Variants in CBLB observed in about 807,000 individuals in gnomAD.
CBLB encodes the protein E3 ubiquitin-protein ligase CBL-B.
In CBLB, 31 loss-of-function variants were observed where a neutral mutation model predicts 104.9. The ratio of observed to expected loss-of-function variants is 0.30; its 90% confidence interval spans 0.22 to 0.40. The LOEUF (loss-of-function observed/expected upper bound fraction) is 0.40, where lower values mean the gene tolerates loss of function less well. Ranked by LOEUF, CBLB falls within the 10% of genes least tolerant of loss-of-function variation. The pLI, the probability that CBLB is intolerant of heterozygous loss-of-function variation, is 1.00. For synonymous variants in CBLB, 440 were observed against 422.6 expected (o/e 1.04, Z -0.51); for missense variants, 1,062 against 1,214.6 (o/e 0.87, Z 1.87).
At chr3:105,849,739 T>C (rs182754713) in intron 3 of CBLB, among the ~76,000 whole-genome samples, 3 of 152,226 alleles carry the variant, frequency 2.0e-5, no homozygotes, top group Admixed American at 2.0e-4. Flanking sequence ...AAAGGAGTTA[T>C]ATGCCTTGTC....
At chr3:105,772,567 G>A (rs2078987294) in intron 4 of CBLB, among the ~76,000 whole-genome samples, 1 of 152,132 alleles carries the variant, frequency 6.6e-6, no homozygotes. Flanking sequence ...ATAATCAGGA[G>A]AGTAAACAGA....
intron 10 of CBLB, among the ~76,000 whole-genome samples, chr3:105,706,012 A>G (rs2070073687): frequency 6.6e-6 from 1 of 152,000 alleles, no homozygotes; most frequent in Non-Finnish European, 1.5e-5. Context: ...GTGTGGTGAT[A>G]CACGCCTCCA....
At chr3:105,724,073 A>G (rs1284342522) in intron 9 of CBLB, 1 of 172,958 alleles carries the variant, frequency 5.8e-6, no homozygotes, top group East Asian at 1.0e-4. Context: ...TCTTTTTTTA[A>G]ACATAGCAAT....
chr3:105,862,692 A>G (rs1037930639), intron 2 of CBLB, among the ~76,000 whole-genome samples: 4 of 152,294 alleles, frequency 2.6e-5, no homozygotes, highest in East Asian at 3.9e-4. Flanking sequence ...ACAGCCTTCA[A>G]TGGTTTTCTA....
rs1261522543 is a variant in CBLB at position 105,774,963 on chromosome 3, C to T, written c.566+1433G>A. Among the ~76,000 whole-genome samples the T allele has an allele frequency of 2.6e-5, 4 of 152,146 alleles. No homozygotes were observed. The East Asian group carries it at 7.7e-4, about 29-fold the overall frequency. ...AATGTTAATACATGAACTGCAACTA[C>T]AGGAAACAAACCCTCTCAGTTCCTA... On this transcript the variant is annotated intron_variant, in intron 4 of 18. Coordinates refer to ENST00000394030, the MANE Select transcript of CBLB (RefSeq NM_170662.5).
chr3:105,817,753 G>T (rs2085269582), intron 3 of CBLB, among the ~76,000 whole-genome samples: 1 of 152,068 alleles, frequency 6.6e-6, no homozygotes, highest in Admixed American at 6.6e-5. Context: ...GGCAATAAAG[G>T]CAAGCAGAAA....
chr3:105,721,736 T>C (rs1221577576), intron 9 of CBLB, among the ~76,000 whole-genome samples: 1 of 152,172 alleles, frequency 6.6e-6, no homozygotes, highest in Non-Finnish European at 1.5e-5. Context: ...AAAACCAAGA[T>C]TTAATTCTTC....
At chr3:105,852,787 A>G (rs35909361) in intron 3 of CBLB, among the ~76,000 whole-genome samples, 137,080 of 151,866 alleles carry the variant, frequency 0.9, 62,280 homozygotes, top group Non-Finnish European at 0.96. Context: ...GCACAATCTC[A>G]GCTCACCACA....
chr3:105,763,417 C>T (rs185038662), intron 4 of CBLB, among the ~76,000 whole-genome samples: 1 of 152,230 alleles, frequency 6.6e-6, no homozygotes, highest in East Asian at 1.9e-4. Context: ...CCCATAATTC[C>T]CACATGTTGT....
rs542704078 is a variant in CBLB at position 105,655,966 on chromosome 3, T to C, written c.*3004A>G. 4.4e-5 allele frequency: 10 copies of C among 228,294 alleles called. No individual in the cohort carries two copies. The South Asian group carries it at 1.1e-3, about 25-fold the overall frequency. 14.1% of individuals were successfully genotyped at this position (228,294 alleles called of 1,614,324 possible). Reference sequence around the variant, plus strand: ...AGTTAAGAAATGGGACCCTTTTAAGTTGCAGTGAGGGTTCTATTATGAAGA... The same window carrying C: ...AGTTAAGAAATGGGACCCTTTTAAGCTGCAGTGAGGGTTCTATTATGAAGA... On this transcript the variant is annotated 3_prime_UTR_variant, in exon 19 of 19. Coordinates refer to ENST00000394030, the MANE Select transcript of CBLB (RefSeq NM_170662.5).
At chr3:105,735,722 G>A (rs1017273607) in intron 8 of CBLB, among the ~76,000 whole-genome samples, 5 of 152,058 alleles carry the variant, frequency 3.3e-5, no homozygotes, top group South Asian at 4.1e-4. Flanking sequence ...AGGGCGAGGC[G>A]GGTGGATCAC....
Position 105,657,764 on chromosome 3 carries a change from T to C in CBLB, c.*1206A>G, listed in dbSNP as rs1194932749. 1 of 205,800 alleles carries C rather than the reference T, an allele frequency of 4.9e-6. No individual in the cohort carries two copies. The highest frequency in any genetic ancestry group is 9.9e-6 in the Non-Finnish European group (1 of 100,800). The allele number at this position is 205,800 out of a possible 1,614,324, so 12.7% of individuals were successfully genotyped here. The stretch of plus-strand genomic sequence containing the variant: ...GATTTGATAAAGCAGTGTGGAGCAA[T>C]GAATGAGAGAATCTGCAAATTAAAT... On this transcript the variant is annotated 3_prime_UTR_variant, in exon 19 of 19. Coordinates refer to ENST00000394030, the MANE Select transcript of CBLB (RefSeq NM_170662.5).
At chr3:105,681,399 T>C (rs2066296878) in intron 16 of CBLB, 80 bp downstream of exon 16, 3 of 1,468,938 alleles carry the variant, frequency 2.0e-6, no homozygotes, top group South Asian at 1.1e-5. Context: ...GTCTGTGTTA[T>C]ACTGAACTCT....
At chr3:105,789,155 C>G (rs1403468375) in intron 3 of CBLB, among the ~76,000 whole-genome samples, 8 of 152,118 alleles carry the variant, frequency 5.3e-5, no homozygotes, top group Admixed American at 5.2e-4. Flanking sequence ...GCTTAGAAAA[C>G]TGATAAAGAG....
intron 3 of CBLB, among the ~76,000 whole-genome samples, chr3:105,784,908 A>T (rs1440674640): frequency 6.6e-6 from 1 of 152,182 alleles, no homozygotes; most frequent in Non-Finnish European, 1.5e-5. Flanking sequence ...GAGTTAAGCC[A>T]TTCGTTCACC....
intron 3 of CBLB, among the ~76,000 whole-genome samples, chr3:105,811,899 T>A (rs2084360300): frequency 6.6e-6 from 1 of 152,202 alleles, no homozygotes; most frequent in Non-Finnish European, 1.5e-5. Context: ...AGACGAGGTT[T>A]CACCATGTTG....
At chr3:105,692,062 G>T (rs1661484007) in intron 13 of CBLB, among the ~76,000 whole-genome samples, 1 of 152,104 alleles carries the variant, frequency 6.6e-6, no homozygotes, top group South Asian at 2.1e-4. Flanking sequence ...TTTCTGGGGG[G>T]CTGGGATCTA....
chr3:105,780,870 G>C (rs2080178005), intron 3 of CBLB, among the ~76,000 whole-genome samples: 1 of 151,950 alleles, frequency 6.6e-6, no homozygotes, highest in African/African-American at 2.4e-5. Context: ...CACCGTGTTA[G>C]CCAGGATGGT....
chr3:105,809,187 T>A (rs1306042422), intron 3 of CBLB, among the ~76,000 whole-genome samples: 4 of 152,224 alleles, frequency 2.6e-5, no homozygotes, highest in African/African-American at 9.6e-5. Context: ...TTTGGTTTTA[T>A]TATACTCAAC....
Sources: gnomAD v4.1 joint callset for allele counts (sites outside exome capture counted in the v4.1 genomes callset) on GRCh38, gnomAD v4.1.1 for gene constraint, MANE v1.5 for transcripts, NCBI Gene and HGNC (gene_info 2026-07-23, HGNC 2026-07-21) for gene names.